CLASP1: variants seen among roughly 807,000 people sequenced by gnomAD.
CLASP1 encodes cytoplasmic linker associated protein 1.
CLASP1 carries 38 observed loss-of-function variants against 192.3 expected under a neutral mutation model. That is an observed-to-expected ratio of 0.20 (90% CI 0.15 to 0.26). CLASP1 has a LOEUF of 0.26. CLASP1 is among the 10% of genes least tolerant of loss of function. The pLI, the probability that CLASP1 is intolerant of heterozygous loss-of-function variation, is 1.00. For missense variants in CLASP1, 1,433 were observed against 1,932.5 expected (o/e 0.74, Z 4.85); for synonymous variants, 691 against 712.8 (o/e 0.97, Z 0.49).
At chr2:121,434,330 C>T (rs962456767) in intron 19 of CLASP1, among the ~76,000 whole-genome samples, 3 of 152,164 alleles carry the variant, frequency 2.0e-5, no homozygotes, top group African/African-American at 7.2e-5. Flanking sequence ...GATCACAGCT[C>T]ACTGATGCCT....
intron 2 of CLASP1, among the ~76,000 whole-genome samples, chr2:121,603,573 G>A (rs748050546): frequency 1.3e-5 from 2 of 152,192 alleles, no homozygotes; most frequent in Non-Finnish European, 2.9e-5. Context: ...AATCCCACTA[G>A]TGGGAATTTA....
chr2:121,611,792 A>T (rs1236580872), intron 1 of CLASP1, among the ~76,000 whole-genome samples: 3 of 146,442 alleles, frequency 2.0e-5, no homozygotes, highest in African/African-American at 5.1e-5. Context: ...GAGAAAGAGG[A>T]ACTGGAGGAT....
intron 34 of CLASP1, among the ~76,000 whole-genome samples, chr2:121,374,984 T>C (rs2069677346): frequency 6.6e-6 from 1 of 152,172 alleles, no homozygotes; most frequent in South Asian, 2.1e-4. Flanking sequence ...GATTGTGTTT[T>C]GAAATGTGAG....
intron 19 of CLASP1, among the ~76,000 whole-genome samples, chr2:121,437,473 G>A (rs2082503855): frequency 6.6e-6 from 1 of 152,152 alleles, no homozygotes; most frequent in Non-Finnish European, 1.5e-5. Flanking sequence ...TTATTCCAAA[G>A]AAGATCTCTG....
chr2:121,515,694 A>G, exon 7 of CLASP1: 2 of 1,613,976 alleles, frequency 1.2e-6, no homozygotes, highest in Non-Finnish European at 1.7e-6. Context: ...TTTTACTGAG[A>G]TCTGCCCTCA....
chr2:121,426,938 T>C (rs998654152), intron 21 of CLASP1, among the ~76,000 whole-genome samples: 6 of 152,020 alleles, frequency 3.9e-5, no homozygotes, highest in African/African-American at 1.4e-4. Context: ...ACATTTACTA[T>C]GTACTAGAAT....
chr2:121,370,987 A>ACTTTT (rs2068560460), intron 34 of CLASP1, among the ~76,000 whole-genome samples: 1 of 152,220 alleles, frequency 6.6e-6, no homozygotes, highest in Non-Finnish European at 1.5e-5. Context: ...ACAGGAACTG[A>ACTTTT]CGGAAAAGCA....
intron 16 of CLASP1, among the ~76,000 whole-genome samples, chr2:121,450,330 CAA>C (rs879572403): frequency 7.2e-5 from 9 of 124,156 alleles, no homozygotes; most frequent in Non-Finnish European, 6.9e-5. Flanking sequence ...GACTCTATCT[CAA>C]AAAAAAAAAA....
At chr2:121,484,094 G>A (rs1308186527) in intron 8 of CLASP1, among the ~76,000 whole-genome samples, 1 of 152,222 alleles carries the variant, frequency 6.6e-6, no homozygotes, top group Non-Finnish European at 1.5e-5. Flanking sequence ...TGTATTTTAG[G>A]AGAAGGAAGT....
intron 8 of CLASP1, among the ~76,000 whole-genome samples, chr2:121,473,538 G>A (rs2091128080): frequency 6.6e-6 from 1 of 152,166 alleles, no homozygotes; most frequent in Non-Finnish European, 1.5e-5. Flanking sequence ...AGGACGAGGG[G>A]AAGAAGGGGA....
chr2:121,415,336 G>A lies in CLASP1; in HGVS notation c.2320+3286C>T, dbSNP rs940864703. Among the ~76,000 whole-genome samples, 4 of 152,188 alleles carry A rather than the reference G, an allele frequency of 2.6e-5. No homozygotes were observed. The South Asian group carries it at 6.2e-4, about 24-fold the overall frequency. ...ACCTACCTCTTGGGAGTTACTGAGT[G>A]GATTAAAAGAGATTATAAAGCAACT... On this transcript the variant is annotated intron_variant, in intron 23 of 39. Transcript: ENST00000263710.
At chr2:121,421,947 T>G (rs1048373073) in intron 22 of CLASP1, among the ~76,000 whole-genome samples, 2 of 152,204 alleles carry the variant, frequency 1.3e-5, no homozygotes, top group African/African-American at 2.4e-5. Context: ...AGTGCCAAAC[T>G]AAATGTTCTA....
intron 8 of CLASP1, among the ~76,000 whole-genome samples, chr2:121,502,673 G>A (rs2093794557): frequency 6.6e-6 from 1 of 152,176 alleles, no homozygotes; most frequent in Admixed American, 6.5e-5. Flanking sequence ...AGGCCCAGTG[G>A]GCCATGGTGA....
intron 6 of CLASP1, among the ~76,000 whole-genome samples, chr2:121,519,397 A>G (rs902846201): frequency 3.3e-5 from 5 of 152,208 alleles, no homozygotes; most frequent in African/African-American, 1.2e-4. Flanking sequence ...GGAGGCAGGG[A>G]CAGAAGAGGG....
intron 19 of CLASP1, among the ~76,000 whole-genome samples, chr2:121,437,099 G>A (rs2082429642): frequency 6.6e-6 from 1 of 151,922 alleles, no homozygotes; most frequent in South Asian, 2.1e-4. Context: ...AGTATCTGGG[G>A]CTACAGGTGT....
intron 34 of CLASP1, 131 bp from the exon 36 acceptor site, chr2:121,367,962 C>T: frequency 8.5e-7 from 1 of 1,173,672 alleles, no homozygotes; most frequent in South Asian, 1.5e-5. Context: ...AGGACAGCTA[C>T]TAGTACTGCA....
chr2:121,373,021 A>G (rs568199761), intron 34 of CLASP1, among the ~76,000 whole-genome samples: 2 of 152,294 alleles, frequency 1.3e-5, no homozygotes, highest in Admixed American at 1.3e-4. Context: ...GAGGTGACAT[A>G]ATCTCTTTTG....
intron 7 of CLASP1, among the ~76,000 whole-genome samples, chr2:121,506,497 A>C (rs1481934605): frequency 6.6e-6 from 1 of 152,082 alleles, no homozygotes; most frequent in Non-Finnish European, 1.5e-5. Flanking sequence ...TAGGAAAAAA[A>C]AAAGGTGGGG....
chr2:121,547,344 C>T (rs771843724), intron 2 of CLASP1, among the ~76,000 whole-genome samples: 4 of 152,174 alleles, frequency 2.6e-5, no homozygotes, highest in Non-Finnish European at 4.4e-5. Context: ...GCCTTATCCA[C>T]ACCTCCAACA....
Sources: allele counts gnomAD v4.1 joint callset (sites outside exome capture counted in the v4.1 genomes callset), GRCh38; gene constraint gnomAD v4.1.1; transcripts MANE v1.5; gene names NCBI Gene and HGNC (gene_info 2026-07-23, HGNC 2026-07-21).